CALN1: variants seen among roughly 807,000 people sequenced by gnomAD.
CALN1 encodes calcium-binding protein 8.
In CALN1, 17 loss-of-function variants were observed where a neutral mutation model predicts 30.6. The ratio of observed to expected loss-of-function variants is 0.56; its 90% CI spans 0.38 to 0.83. CALN1 has a LOEUF of 0.83. Among genes scored for constraint, CALN1 ranks in the 40% least tolerant of loss-of-function variants. The probability of loss-of-function intolerance (pLI) is 0.00; values close to 1 mark genes in which losing one functional copy is unlikely to be tolerated. For synonymous variants in CALN1, 156 were observed against 131.4 expected, an observed-to-expected ratio of 1.19 and a Z score of -1.28; for missense variants, 291 against 354.9, an observed-to-expected ratio of 0.82 and a Z score of 1.45.
intron 5 of CALN1, among the ~76,000 whole-genome samples, chr7:71,894,869 A>G (rs535165088): frequency 3.3e-4 from 51 of 152,306 alleles, no homozygotes; most frequent in African/African-American, 1.2e-3. Context: ...TTTTGTTGTT[A>G]CTAGAAATGA....
intron 5 of CALN1, among the ~76,000 whole-genome samples, chr7:71,897,231 GT>G (rs1793579428): frequency 6.6e-6 from 1 of 152,166 alleles, no homozygotes; most frequent in African/African-American, 2.4e-5. Flanking sequence ...TAATTTTGGT[GT>G]TTATTGTTTT....
At chr7:71,789,514 G>A (rs1014049949) in intron 6 of CALN1, among the ~76,000 whole-genome samples, 4 of 152,100 alleles carry the variant, frequency 2.6e-5, no homozygotes, top group African/African-American at 4.8e-5. Flanking sequence ...CAAGCCCTCC[G>A]TGAGATCTTG....
Position 72,023,719 on chromosome 7 carries a change from G to A in CALN1, c.439C>T (p.Leu147=), listed in dbSNP as rs1322945369. ...DEFMTILGPK[L]VSSEGRDGFL... is the part of the protein sequence containing the mutation. ...CCATCGCGACCTTCTGAAGACACCA[G>A]TTTGGGGCCAAGAATGGTCATGAAT... Residue 147 remains leucine (L), a synonymous_variant, in exon 5 of 7, where the codon CTG becomes TTG. Coordinates refer to ENST00000395275, the MANE Select transcript of CALN1 (RefSeq NM_031468.4). 1 of 1,613,904 alleles carries A rather than the reference G, an allele frequency of 6.2e-7. No homozygotes were observed.
chr7:72,438,661 AG>A (rs1372291346), intron 1 of CALN1, among the ~76,000 whole-genome samples: 7 of 152,032 alleles, frequency 4.6e-5, no homozygotes. Context: ...CCATCACTCC[AG>A]GAACCTGGCT....
intron 5 of CALN1, among the ~76,000 whole-genome samples, chr7:71,909,298 T>C (rs1178614916): frequency 1.3e-5 from 2 of 152,222 alleles, no homozygotes; most frequent in African/African-American, 2.4e-5. Context: ...CTGTATGATG[T>C]TTAATTTTGA....
At chr7:72,172,682 T>G (rs1001857534) in intron 3 of CALN1, among the ~76,000 whole-genome samples, 2 of 152,208 alleles carry the variant, frequency 1.3e-5, no homozygotes, top group African/African-American at 2.4e-5. Flanking sequence ...CTGAATAAGT[T>G]GAAAATTCTT....
At chr7:72,048,467 G>A (rs1447398546) in intron 4 of CALN1, among the ~76,000 whole-genome samples, 2 of 152,134 alleles carry the variant, frequency 1.3e-5, no homozygotes, top group African/African-American at 4.8e-5. Flanking sequence ...TAGGACACAG[G>A]ACCTGGGAAG....
chr7:72,088,421 G>A (rs559586437), intron 4 of CALN1, among the ~76,000 whole-genome samples: 5 of 152,152 alleles, frequency 3.3e-5, no homozygotes, highest in East Asian at 3.9e-4. Context: ...GTTATGGGCC[G>A]GGCGCAGTGG....
rs1410679506 is a variant in CALN1, at chr7:72,271,575, A to AATATATATATAT, written c.244+7099_244+7110dup. Among the ~76,000 whole-genome samples the AATATATATATAT allele has an allele frequency of 4.9e-3, 256 of 52,076 alleles. 19 individuals carry two copies. The highest frequency in any genetic ancestry group is 0.021 in the Admixed American group (107 of 5,088). 34.2% of individuals were successfully genotyped at this position (52,076 alleles called of 152,430 possible). ...CTGTGCCTGCCTTTTAAAAAAAAAAAATATATATATATATATATAGTTTTC... is the reference window on the plus strand; with the variant it reads ...CTGTGCCTGCCTTTTAAAAAAAAAAAATATATATATATATATATATATATATATATAGTTTTC... On this transcript the variant is annotated intron_variant, in intron 3 of 6. Coordinates refer to ENST00000395275, the MANE Select transcript of CALN1 (RefSeq NM_031468.4).
At chr7:72,094,944 G>T (rs1383230692) in intron 4 of CALN1, among the ~76,000 whole-genome samples, 1 of 152,114 alleles carries the variant, frequency 6.6e-6, no homozygotes, top group Non-Finnish European at 1.5e-5. Context: ...AAAGCAATTG[G>T]AAGCCAAAAC....
At chr7:72,367,251 C>T (rs969913839) in intron 2 of CALN1, among the ~76,000 whole-genome samples, 6 of 152,118 alleles carry the variant, frequency 3.9e-5, no homozygotes, top group Non-Finnish European at 7.4e-5. Flanking sequence ...CTTTGGGAGG[C>T]TGAGGCAGGA....
chr7:72,234,074 T>C (rs943432845), intron 3 of CALN1, among the ~76,000 whole-genome samples: 1 of 151,972 alleles, frequency 6.6e-6, no homozygotes, highest in African/African-American at 2.4e-5. Context: ...AGAGGAAACA[T>C]AACAATAGAA....
intron 4 of CALN1, among the ~76,000 whole-genome samples, chr7:72,053,439 C>T (rs1304967241): frequency 6.6e-6 from 1 of 152,174 alleles, no homozygotes; most frequent in African/African-American, 2.4e-5. Context: ...AATGGGAGTG[C>T]TGGGTTGAAT....
chr7:71,818,853 G>T (rs1291837850), intron 5 of CALN1, among the ~76,000 whole-genome samples: 1 of 151,692 alleles, frequency 6.6e-6, no homozygotes, highest in Non-Finnish European at 1.5e-5. Flanking sequence ...GGTATTACAG[G>T]TGTGCACCAC....
intron 4 of CALN1, among the ~76,000 whole-genome samples, chr7:72,080,602 T>TGC (rs1434546807): frequency 6.6e-6 from 1 of 152,090 alleles, no homozygotes; most frequent in African/African-American, 2.4e-5. Context: ...TAGTGTACTG[T>TGC]GCCCTGGGGT....
chr7:72,163,164 C>G (rs1312116432), intron 3 of CALN1, among the ~76,000 whole-genome samples: 1 of 152,024 alleles, frequency 6.6e-6, no homozygotes, highest in Non-Finnish European at 1.5e-5. Context: ...GGGCTAGTCC[C>G]TTGAAATAAA....
chr7:71,866,139 G>A (rs1418972236), intron 5 of CALN1, among the ~76,000 whole-genome samples: 1 of 151,770 alleles, frequency 6.6e-6, no homozygotes, highest in Non-Finnish European at 1.5e-5. Flanking sequence ...CCGAGTAGCT[G>A]GGACTGCAGG....
intron 2 of CALN1, among the ~76,000 whole-genome samples, chr7:72,323,675 T>A (rs2944828): frequency 0.31 from 42,845 of 138,982 alleles, 6,990 homozygotes; most frequent in Middle Eastern, 0.41. Context: ...AAAAAAAAAA[T>A]AAAAAATAAA....
intron 5 of CALN1, among the ~76,000 whole-genome samples, chr7:71,906,323 G>A (rs765490661): frequency 3.9e-5 from 6 of 152,070 alleles, no homozygotes; most frequent in Non-Finnish European, 5.9e-5. Context: ...GGTAGACCAC[G>A]TATTTCCCGG....
Sources: allele counts gnomAD v4.1 joint callset (sites outside exome capture counted in the v4.1 genomes callset), GRCh38; gene constraint gnomAD v4.1.1; transcripts MANE v1.5; gene names NCBI Gene and HGNC (gene_info 2026-07-23, HGNC 2026-07-21).